Variants in MYO3B observed in about 807,000 individuals in gnomAD.
The protein encoded by MYO3B is myosin-IIIb.
Under a neutral mutation model 174.6 loss-of-function variants are expected in MYO3B, and 156 were observed. That is an observed-to-expected ratio of 0.89 (90% CI 0.78 to 1.02). MYO3B has a LOEUF of 1.02. Ranked by LOEUF, MYO3B falls within the 50% of genes least tolerant of loss-of-function variation. The probability of loss-of-function intolerance (pLI) is 0.00; values close to 1 mark genes in which losing one functional copy is unlikely to be tolerated. For synonymous variants in MYO3B, 563 were observed against 569.1 expected, an observed-to-expected ratio of 0.99 and a Z score of 0.15; for missense variants, 1,632 against 1,639.4, an observed-to-expected ratio of 1.00 and a Z score of 0.08.
chr2:170,433,951 G>A (rs1331192517), intron 22 of MYO3B, among the ~76,000 whole-genome samples: 3 of 152,112 alleles, frequency 2.0e-5, no homozygotes, highest in Non-Finnish European at 4.4e-5. Flanking sequence ...ATCCTGCTCT[G>A]CCCATTTATT....
At chr2:170,604,761 G>A (rs1309878304) in intron 32 of MYO3B, among the ~76,000 whole-genome samples, 1 of 152,160 alleles carries the variant, frequency 6.6e-6, no homozygotes, top group African/African-American at 2.4e-5. Flanking sequence ...AAGAAGAGAA[G>A]GTGACCCTTA....
chr2:170,651,482 A>T (rs1699007377), intron 32 of MYO3B, 146 bp from the exon 33 acceptor site: 2 of 639,824 alleles, frequency 3.1e-6, no homozygotes, highest in South Asian at 1.9e-5. Flanking sequence ...TTAGGATGGC[A>T]TTTCTCCTAA....
At chr2:170,441,052 G>A (rs531316544) in intron 22 of MYO3B, among the ~76,000 whole-genome samples, 19 of 151,990 alleles carry the variant, frequency 1.3e-4, no homozygotes, top group African/African-American at 4.1e-4. Context: ...CACCCGCCTC[G>A]GCCTCCCAAA....
At chr2:170,627,042 CCAGGAGTATCTATCTTTG>C (rs1267143475) in intron 32 of MYO3B, among the ~76,000 whole-genome samples, 1 of 151,770 alleles carries the variant, frequency 6.6e-6, no homozygotes, top group Non-Finnish European at 1.5e-5. Context: ...TTGCTCTTCT[CCAGGAGTATCTATCTTTG>C]TGGTGTTCTC....
chr2:170,370,413 CAG>C (rs1423376452), intron 9 of MYO3B, among the ~76,000 whole-genome samples: 1 of 152,070 alleles, frequency 6.6e-6, no homozygotes, highest in African/African-American at 2.4e-5. Flanking sequence ...TTGGATAGCT[CAG>C]AGGGGATTTT....
intron 32 of MYO3B, among the ~76,000 whole-genome samples, chr2:170,609,119 T>C (rs1464623405): frequency 6.6e-6 from 1 of 152,236 alleles, no homozygotes; most frequent in East Asian, 1.9e-4. Context: ...TCTTCTGATG[T>C]AGGTGGGAAA....
intron 32 of MYO3B, among the ~76,000 whole-genome samples, chr2:170,629,736 G>A (rs1696784411): frequency 6.6e-6 from 1 of 152,154 alleles, no homozygotes; most frequent in African/African-American, 2.4e-5. Flanking sequence ...TATAATCCCA[G>A]CTACTCACGA....
At chr2:170,523,679 A>C (rs867445351) in intron 30 of MYO3B, among the ~76,000 whole-genome samples, 1 of 152,194 alleles carries the variant, frequency 6.6e-6, no homozygotes, top group East Asian at 1.9e-4. Context: ...TGTTCTCAGC[A>C]TGTCAGTCAT....
chr2:170,385,829 T>C (rs1004022641), intron 12 of MYO3B: 1 of 163,214 alleles, frequency 6.1e-6, no homozygotes, highest in African/African-American at 2.4e-5. Flanking sequence ...AATTTACAAA[T>C]GTATTTACCT....
intron 7 of MYO3B, among the ~76,000 whole-genome samples, chr2:170,250,441 C>T (rs2093239185): frequency 6.6e-6 from 1 of 152,200 alleles, no homozygotes; most frequent in Admixed American, 6.5e-5. Context: ...CCCTGACCCC[C>T]ATCACAGGAC....
chr2:170,488,603 G>T (rs1686224330), intron 25 of MYO3B, among the ~76,000 whole-genome samples: 1 of 152,218 alleles, frequency 6.6e-6, no homozygotes, highest in South Asian at 2.1e-4. Context: ...TTCAAAGGAA[G>T]AGTCAAAGTA....
chr2:170,575,010 C>G (rs16858773), intron 32 of MYO3B, among the ~76,000 whole-genome samples: 7,112 of 152,068 alleles, frequency 0.047, 362 homozygotes, highest in East Asian at 0.25. Flanking sequence ...TGGGAATAAG[C>G]GTGTGTAAAC....
At chr2:170,525,625 G>C (rs1195941414) in intron 30 of MYO3B, among the ~76,000 whole-genome samples, 1 of 152,314 alleles carries the variant, frequency 6.6e-6, no homozygotes, top group East Asian at 1.9e-4. Flanking sequence ...CAGATTCAGA[G>C]TGATGGGAAC....
intron 7 of MYO3B, among the ~76,000 whole-genome samples, chr2:170,239,864 C>G (rs1424290408): frequency 6.6e-6 from 1 of 152,226 alleles, no homozygotes; most frequent in Non-Finnish European, 1.5e-5. Context: ...CATTTATTCT[C>G]TCACAGTTCT....
At chr2:170,396,192 C>T (rs2094441312) in intron 16 of MYO3B, among the ~76,000 whole-genome samples, 1 of 152,180 alleles carries the variant, frequency 6.6e-6, no homozygotes, top group Non-Finnish European at 1.5e-5. Flanking sequence ...TAGCAAGATT[C>T]TGCAGAAAAG....
At chr2:170,227,629 C>T (rs982798166) in intron 6 of MYO3B, among the ~76,000 whole-genome samples, 2 of 152,118 alleles carry the variant, frequency 1.3e-5, no homozygotes, top group Non-Finnish European at 2.9e-5. Flanking sequence ...GAATCACTCT[C>T]TAACAGGAAC....
intron 7 of MYO3B, among the ~76,000 whole-genome samples, chr2:170,326,050 C>CG (rs926575634): frequency 6.6e-6 from 1 of 152,010 alleles, no homozygotes; most frequent in Non-Finnish European, 1.5e-5. Flanking sequence ...TTGATAAGCA[C>CG]GGCATGTTTA....
chr2:170,404,478 G>T, intron 20 of MYO3B, 78 bp downstream of exon 20: 1 of 1,386,652 alleles, frequency 7.2e-7, no homozygotes. Context: ...GTACTTTAAT[G>T]AATTTACCTT....
intron 25 of MYO3B, among the ~76,000 whole-genome samples, chr2:170,478,825 G>T (rs1027024077): frequency 4.9e-5 from 7 of 143,306 alleles, no homozygotes; most frequent in Non-Finnish European, 1.5e-5. Context: ...GGAGGTCTTG[G>T]CCTCCCAAAA....
Sources: gnomAD v4.1 joint callset for allele counts (sites outside exome capture counted in the v4.1 genomes callset) on GRCh38, gnomAD v4.1.1 for gene constraint, MANE v1.5 for transcripts, NCBI Gene and HGNC (gene_info 2026-07-23, HGNC 2026-07-21) for gene names.